Variants in TWIST2 observed in about 807,000 individuals in gnomAD.
TWIST2 encodes twist family bHLH transcription factor 2, also known as twist-related protein 2.
A neutral mutation model predicts 11.6 loss-of-function variants in TWIST2; 1 was observed. The ratio of observed to expected loss-of-function variants is 0.09; its 90% CI spans 0.03 to 0.41. The LOEUF (loss-of-function observed/expected upper bound fraction) is 0.41, where lower values mean the gene tolerates loss of function less well. Ranked by LOEUF, TWIST2 falls within the 10% of genes least tolerant of loss-of-function variation. The pLI is 0.98. For missense variants in TWIST2, 168 were observed against 226.4 expected (o/e 0.74, Z 1.66); for synonymous variants, 87 against 96.6 (o/e 0.90, Z 0.58).
At chr2:238,890,417 C>T (rs532992170) in intron 1 of TWIST2, among the ~76,000 whole-genome samples, 88 of 152,268 alleles carry the variant, frequency 5.8e-4, no homozygotes, top group African/African-American at 2.0e-3. Flanking sequence ...ACTGAGAGCC[C>T]GTGATTGCAC....
intron 1 of TWIST2, among the ~76,000 whole-genome samples, chr2:238,899,180 C>A (rs940077816): frequency 6.6e-6 from 1 of 152,254 alleles, no homozygotes; most frequent in Non-Finnish European, 1.5e-5. Context: ...TTGGTCTGCA[C>A]GGTCCCCGCA....
chr2:238,853,144 C>T (rs1692270444), intron 1 of TWIST2, among the ~76,000 whole-genome samples: 1 of 152,046 alleles, frequency 6.6e-6, no homozygotes, highest in Non-Finnish European at 1.5e-5. Flanking sequence ...TACATTTATT[C>T]CTATACTAAT....
intron 1 of TWIST2, among the ~76,000 whole-genome samples, chr2:238,890,988 A>G (rs1693122144): frequency 6.6e-6 from 1 of 152,322 alleles, no homozygotes; most frequent in African/African-American, 2.4e-5. Context: ...TGGGCTGATA[A>G]GAATCCGTGC....
Position 238,848,398 on chromosome 2 carries a change from C to A in TWIST2, c.183C>A (p.Phe61Leu). 1 of 1,536,408 alleles carries A rather than the reference C, an allele frequency of 6.5e-7. No homozygotes were observed. Among genetic ancestry groups the A allele is most frequent in the Non-Finnish European group, 8.7e-7 (1 of 1,146,548 alleles). ...AGGGCAGCCCCAGCGCGCAGTCCTTCGAGGAGCTGCAGAGCCAGCGCATCC... is the reference window on the plus strand; with the variant it reads ...AGGGCAGCCCCAGCGCGCAGTCCTTAGAGGAGCTGCAGAGCCAGCGCATCC... ...GKKGSPSAQS[F>L]EELQSQRILA... The change falls in exon 1 of 2, where the codon TTC becomes TTA. Residue 61 changes from phenylalanine to leucine, a missense_variant. Physicochemically the swap from Phe to Leu is conservative, Grantham distance 22 (BLOSUM62 0). Around this residue, in one of 3 missense-constraint regions of TWIST2, gnomAD observed 83 missense variants for 92.7 expected, o/e 0.90. Coordinates refer to ENST00000612363, the MANE Select transcript of TWIST2 (RefSeq NM_001271893.4).
intron 1 of TWIST2, among the ~76,000 whole-genome samples, chr2:238,851,237 C>T (rs1346621281): frequency 2.0e-5 from 3 of 152,170 alleles, no homozygotes; most frequent in South Asian, 2.1e-4. Flanking sequence ...GGAAGAGAAA[C>T]GCAAGAGATG....
At chr2:238,857,735 G>C (rs1188164888) in intron 1 of TWIST2, among the ~76,000 whole-genome samples, 1 of 151,986 alleles carries the variant, frequency 6.6e-6, no homozygotes, top group African/African-American at 2.4e-5. Context: ...CCAGGAGTTC[G>C]AGACCAGCCT....
intron 1 of TWIST2, among the ~76,000 whole-genome samples, chr2:238,857,633 C>T (rs1344299581): frequency 1.3e-5 from 2 of 151,672 alleles, no homozygotes; most frequent in African/African-American, 4.8e-5. Flanking sequence ...GCTCTTTGAA[C>T]GGCAATAAAA....
At chr2:238,869,955 A>G (rs1166320442) in intron 1 of TWIST2, among the ~76,000 whole-genome samples, 1 of 151,980 alleles carries the variant, frequency 6.6e-6, no homozygotes. Flanking sequence ...CAAAACAAAC[A>G]CAGAAAATAA....
At chr2:238,852,890 A>G (rs1692266103) in intron 1 of TWIST2, among the ~76,000 whole-genome samples, 1 of 152,272 alleles carries the variant, frequency 6.6e-6, no homozygotes, top group Admixed American at 6.5e-5. Flanking sequence ...AAGATATTCT[A>G]CAAAAGTATT....
chr2:238,870,127 CACA>C (rs1692622633), intron 1 of TWIST2, among the ~76,000 whole-genome samples: 2 of 71,664 alleles, frequency 2.8e-5, no homozygotes, highest in Admixed American at 2.9e-4. Context: ...ACACCCCCCA[CACA>C]CACACCACAC....
intron 1 of TWIST2, among the ~76,000 whole-genome samples, chr2:238,865,438 A>G (rs1300030119): frequency 6.6e-6 from 1 of 152,198 alleles, no homozygotes; most frequent in East Asian, 1.9e-4. Flanking sequence ...ACACCCCTGC[A>G]GTCTGCTCTC....
At position 238,890,480 on chromosome 2, in the gene TWIST2, C is replaced by T. The variant is rs533726792; in HGVS notation, c.*36-19362C>T. Among the ~76,000 whole-genome samples, 4 of 152,328 alleles carry T rather than the reference C, an allele frequency of 2.6e-5. No homozygotes were observed. In the South Asian group the frequency reaches 8.3e-4, roughly 32 times the overall value. On this transcript the variant is annotated intron_variant, in intron 1 of 1. Coordinates refer to ENST00000612363, the MANE Select transcript of TWIST2 (RefSeq NM_001271893.4). ...TCTAAAGCCACACGATCCAGGTGAT[C>T]CTTCCCCACTTAGGGTTTTTGTTCC... is the stretch of plus-strand genomic sequence containing the variant.
chr2:238,907,223 C>T (rs1046648463), intron 1 of TWIST2, among the ~76,000 whole-genome samples: 2 of 152,212 alleles, frequency 1.3e-5, no homozygotes, highest in Non-Finnish European at 2.9e-5. Flanking sequence ...TGGCGTGTCC[C>T]CTGCCCTGTG....
intron 1 of TWIST2, among the ~76,000 whole-genome samples, chr2:238,877,556 A>G (rs576941058): frequency 7.2e-4 from 109 of 151,004 alleles, no homozygotes; most frequent in African/African-American, 2.6e-3. Context: ...TCACATAATG[A>G]AACAAAAAGA....
chr2:238,883,452 A>G (rs1468098789), intron 1 of TWIST2, among the ~76,000 whole-genome samples: 1 of 152,202 alleles, frequency 6.6e-6, no homozygotes, highest in Non-Finnish European at 1.5e-5. Context: ...CTTGACATTA[A>G]ACAGGAAAAA....
At chr2:238,849,777 A>G (rs1574743270) in intron 1 of TWIST2, among the ~76,000 whole-genome samples, 1 of 152,304 alleles carries the variant, frequency 6.6e-6, no homozygotes, top group East Asian at 1.9e-4. Flanking sequence ...GTCCCTTTAG[A>G]CAAGCTCGAG....
At chr2:238,894,292 C>T (rs2106370653) in intron 1 of TWIST2, among the ~76,000 whole-genome samples, 1 of 152,230 alleles carries the variant, frequency 6.6e-6, no homozygotes, top group South Asian at 2.1e-4. Context: ...GTGGCTGACA[C>T]GGGTCTTGTT....
At chr2:238,884,787 C>A (rs760088632) in intron 1 of TWIST2, among the ~76,000 whole-genome samples, 68 of 152,218 alleles carry the variant, frequency 4.5e-4, no homozygotes, top group Non-Finnish European at 8.8e-4. Context: ...GCACAGGGAG[C>A]CTTCCGGAAG....
At chr2:238,875,122 T>G (rs567072061) in intron 1 of TWIST2, among the ~76,000 whole-genome samples, 1 of 152,182 alleles carries the variant, frequency 6.6e-6, no homozygotes, top group Admixed American at 6.5e-5. Context: ...CGAAATACAT[T>G]CATTCATTAG....
Sources: allele counts gnomAD v4.1 joint callset (sites outside exome capture counted in the v4.1 genomes callset), GRCh38; gene constraint gnomAD v4.1.1; regional missense constraint gnomAD v4.1.1; transcripts MANE v1.5; gene names NCBI Gene and HGNC (gene_info 2026-07-23, HGNC 2026-07-21).